DCAF8L2: variants seen among roughly 807,000 people sequenced by gnomAD.
DCAF8L2 encodes the protein DDB1- and CUL4-associated factor 8-like protein 2.
For synonymous variants in DCAF8L2, 200 were observed against 190.9 expected, an observed-to-expected ratio of 1.05 and a Z score of -0.39; for missense variants, 430 against 490.7, an observed-to-expected ratio of 0.88 and a Z score of 1.17.
chrX:27,555,884 C>T, the DCAF8L2 span, among the ~76,000 whole-genome samples: 22 of 111,230 alleles, frequency 2.0e-4, no homozygotes, highest in African/African-American at 7.2e-4. Flanking sequence ...GCCCTTAAAA[C>T]ACTAACATCA....
chrX:27,499,502 A>G, the DCAF8L2 span, among the ~76,000 whole-genome samples: 4 of 111,960 alleles, frequency 3.6e-5, no homozygotes, highest in Non-Finnish European at 1.9e-5. Flanking sequence ...TCACACTGCT[A>G]TAAAGAACTA....
At chrX:27,501,268 C>G in the DCAF8L2 span, among the ~76,000 whole-genome samples, 3 of 104,659 alleles carry the variant, frequency 2.9e-5, no homozygotes, top group African/African-American at 1.1e-4. Context: ...TCCTCCCCTC[C>G]TCTGCTGTGT....
intron 4 of DCAF8L2, among the ~76,000 whole-genome samples, chrX:27,720,776 A>C (rs981014890): frequency 2.7e-5 from 3 of 112,214 alleles, no homozygotes; most frequent in African/African-American, 9.7e-5. Flanking sequence ...TTTCAAAAAA[A>C]TTTAGTCTTC....
At chrX:27,569,069 T>C in the DCAF8L2 span, among the ~76,000 whole-genome samples, 2 of 109,998 alleles carry the variant, frequency 1.8e-5, no homozygotes, top group African/African-American at 6.7e-5. Context: ...ATCCATGTAT[T>C]AAATGCCCAT....
chrX:27,527,883 C>T, the DCAF8L2 span, among the ~76,000 whole-genome samples: 116 of 108,674 alleles, frequency 1.1e-3, 1 homozygote, highest in African/African-American at 3.8e-3. Flanking sequence ...AACTCCTGAC[C>T]TCAGGTGGTC....
At chrX:27,620,651 AAAC>A (rs1344643367) in intron 1 of DCAF8L2, among the ~76,000 whole-genome samples, 3 of 112,208 alleles carry the variant, frequency 2.7e-5, no homozygotes, top group Non-Finnish European at 3.8e-5. Context: ...AGCTACTATA[AAAC>A]AACAACAAGA....
intron 2 of DCAF8L2, among the ~76,000 whole-genome samples, chrX:27,655,086 A>G (rs965772474): frequency 2.7e-5 from 3 of 111,378 alleles, no homozygotes; most frequent in Admixed American, 9.7e-5. Context: ...TGGTTTTTAA[A>G]TACTCAAGGA....
the DCAF8L2 span, among the ~76,000 whole-genome samples, chrX:27,469,970 G>A: frequency 2.7e-5 from 3 of 110,512 alleles, no homozygotes; most frequent in Admixed American, 9.7e-5. Context: ...GTTTCTCCAT[G>A]TTGGCCAGGC....
At chrX:27,521,053 A>G in the DCAF8L2 span, among the ~76,000 whole-genome samples, 1 of 112,378 alleles carries the variant, frequency 8.9e-6, no homozygotes, top group East Asian at 2.8e-4. Context: ...TGAAATTATT[A>G]AGTTATAAAA....
intron 1 of DCAF8L2, among the ~76,000 whole-genome samples, chrX:27,628,842 A>G (rs1928164871): frequency 9.0e-6 from 1 of 110,665 alleles, no homozygotes; most frequent in Non-Finnish European, 1.9e-5. Flanking sequence ...TGACCTCTTG[A>G]TCTACCCGCC....
intron 1 of DCAF8L2, among the ~76,000 whole-genome samples, chrX:27,625,839 T>C (rs1164817575): frequency 1.8e-5 from 2 of 110,202 alleles, no homozygotes; most frequent in East Asian, 5.7e-4. Flanking sequence ...AAAGGAACAA[T>C]AGACATCTGA....
At chrX:27,614,680 A>G (rs1254297134) in intron 1 of DCAF8L2, among the ~76,000 whole-genome samples, 30 of 105,613 alleles carry the variant, frequency 2.8e-4, no homozygotes, top group South Asian at 8.3e-4. Flanking sequence ...TTCAGAGAAC[A>G]TCTTTATTTC....
chrX:27,615,541 A>ATCTATCTG (rs1466994780), intron 1 of DCAF8L2, among the ~76,000 whole-genome samples: 80 of 107,701 alleles, frequency 7.4e-4, no homozygotes, highest in Non-Finnish European at 9.5e-4. Context: ...CTATCTATCT[A>ATCTATCTG]TCTATCTATC....
chrX:27,578,577 G>A, the DCAF8L2 span, among the ~76,000 whole-genome samples: 1 of 111,690 alleles, frequency 9.0e-6, no homozygotes, highest in East Asian at 2.8e-4. Context: ...AACCTAAAGA[G>A]CTTCTACACA....
chrX:27,510,194 G>A, the DCAF8L2 span, among the ~76,000 whole-genome samples: 1 of 108,685 alleles, frequency 9.2e-6, no homozygotes, highest in Admixed American at 9.8e-5. Flanking sequence ...CTTTTCCAAG[G>A]CAACTCTTTC....
intron 4 of DCAF8L2, among the ~76,000 whole-genome samples, chrX:27,722,461 C>A (rs930849738): frequency 2.7e-5 from 3 of 111,392 alleles, no homozygotes; most frequent in African/African-American, 9.7e-5. Context: ...CCCTCTAATG[C>A]AAATATTATT....
chrX:27,532,887 G>A, the DCAF8L2 span, among the ~76,000 whole-genome samples: 2 of 105,555 alleles, frequency 1.9e-5, no homozygotes, highest in African/African-American at 6.8e-5. Context: ...AACAGCCTGG[G>A]CAGCATGGCA....
the DCAF8L2 span, among the ~76,000 whole-genome samples, chrX:27,521,893 A>G: frequency 3.6e-5 from 4 of 112,443 alleles, no homozygotes; most frequent in Admixed American, 9.5e-5. Flanking sequence ...ATGCAAGATA[A>G]TAGATTTCAA....
chrX:27,564,076 T>C, the DCAF8L2 span, among the ~76,000 whole-genome samples: 1 of 111,776 alleles, frequency 8.9e-6, no homozygotes, highest in Non-Finnish European at 1.9e-5. Context: ...GGGTAATTTA[T>C]AAAGGAAAGA....
Sources: gnomAD v4.1 joint callset for allele counts (sites outside exome capture counted in the v4.1 genomes callset) on GRCh38, gnomAD v4.1.1 for gene constraint, MANE v1.5 for transcripts, NCBI Gene and HGNC (gene_info 2026-07-23, HGNC 2026-07-21) for gene names.